Variants in TTC1 observed in about 807,000 individuals in gnomAD.
The protein encoded by TTC1 is tetratricopeptide repeat protein 1.
A neutral mutation model predicts 37.6 loss-of-function variants in TTC1; 31 were observed. The observed-to-expected ratio is 0.82, with a 90% CI of 0.62 to 1.11. The LOEUF (loss-of-function observed/expected upper bound fraction) is 1.11, where lower values mean the gene tolerates loss of function less well. Ranked by LOEUF, TTC1 falls within the 50% of genes most tolerant of loss-of-function variation. The pLI is 0.00. For missense variants in TTC1, 351 were observed against 339.0 expected, an observed-to-expected ratio of 1.04 and a Z score of -0.28; for synonymous variants, 127 against 122.4, an observed-to-expected ratio of 1.04 and a Z score of -0.25.
At chr5:160,048,608 C>T (rs1470049734) in intron 5 of TTC1, among the ~76,000 whole-genome samples, 1 of 152,148 alleles carries the variant, frequency 6.6e-6, no homozygotes, top group Non-Finnish European at 1.5e-5. Flanking sequence ...AGTGCTGGAG[C>T]AGTAGTTTGA....
At chr5:160,040,661 C>A (rs1235562297) in intron 4 of TTC1, among the ~76,000 whole-genome samples, 1 of 152,132 alleles carries the variant, frequency 6.6e-6, no homozygotes, top group Non-Finnish European at 1.5e-5. Context: ...TCACTACAGC[C>A]TTGAACTCCT....
chr5:160,038,477 T>C (rs1000215598), intron 4 of TTC1, among the ~76,000 whole-genome samples: 6 of 152,204 alleles, frequency 3.9e-5, no homozygotes, highest in Non-Finnish European at 7.3e-5. Context: ...GCCCAAGTTA[T>C]TGATATTTCT....
At chr5:160,045,553 C>CT (rs1491316287) in intron 5 of TTC1, among the ~76,000 whole-genome samples, 1,510 of 126,416 alleles carry the variant, frequency 0.012, 49 homozygotes, top group Middle Eastern at 0.022. Context: ...CTCTCTCTCT[C>CT]CCCCTCCCCT....
chr5:160,015,788 C>T (rs377496965), intron 2 of TTC1, among the ~76,000 whole-genome samples: 4 of 152,170 alleles, frequency 2.6e-5, no homozygotes, highest in Non-Finnish European at 5.9e-5. Flanking sequence ...ACCATTCAGT[C>T]GGAATCATAG....
intron 2 of TTC1, among the ~76,000 whole-genome samples, chr5:160,015,104 A>G (rs773671469): frequency 1.4e-4 from 21 of 152,138 alleles, no homozygotes; most frequent in Non-Finnish European, 2.6e-4. Flanking sequence ...CAGTCACCAA[A>G]AAGACTAAGT....
intron 2 of TTC1, among the ~76,000 whole-genome samples, chr5:160,011,394 C>T (rs963646735): frequency 8.5e-5 from 13 of 152,218 alleles, no homozygotes; most frequent in Middle Eastern, 3.4e-3. Flanking sequence ...AATGTGCCAT[C>T]CACTGACTTA....
chr5:160,019,314 T>C (rs541106635), intron 2 of TTC1, among the ~76,000 whole-genome samples: 1 of 152,322 alleles, frequency 6.6e-6, no homozygotes, highest in African/African-American at 2.4e-5. Context: ...GAAGTTTCAG[T>C]TTAGAACAGA....
intron 2 of TTC1, among the ~76,000 whole-genome samples, chr5:160,016,310 G>A (rs777467077): frequency 6.6e-6 from 1 of 152,080 alleles, no homozygotes; most frequent in East Asian, 1.9e-4. Flanking sequence ...CCTAGGAGGC[G>A]GAGGTTGCAG....
At chr5:160,021,770 A>G (rs1756713807) in intron 2 of TTC1, among the ~76,000 whole-genome samples, 1 of 152,150 alleles carries the variant, frequency 6.6e-6, no homozygotes, top group African/African-American at 2.4e-5. Context: ...ATAATTATAG[A>G]ACTGATGTCC....
At chr5:160,019,877 G>C (rs1257502663) in intron 2 of TTC1, among the ~76,000 whole-genome samples, 1 of 151,552 alleles carries the variant, frequency 6.6e-6, no homozygotes, top group Non-Finnish European at 1.5e-5. Context: ...ACTGTGCCCT[G>C]CCTCCTGCCT....
chr5:160,044,967 A>G (rs936007388), intron 5 of TTC1, among the ~76,000 whole-genome samples: 1 of 152,150 alleles, frequency 6.6e-6, no homozygotes, highest in Non-Finnish European at 1.5e-5. Flanking sequence ...CTCTTTCTAT[A>G]TTATAATATA....
At chr5:160,042,565 G>A (rs749837424) in intron 4 of TTC1, among the ~76,000 whole-genome samples, 1 of 152,154 alleles carries the variant, frequency 6.6e-6, no homozygotes, top group Non-Finnish European at 1.5e-5. Context: ...TGTTCTTTCC[G>A]CTATGTCATG....
chr5:160,052,548 CAAAA>C (rs557157232), intron 7 of TTC1, among the ~76,000 whole-genome samples: 130 of 68,088 alleles, frequency 1.9e-3, no homozygotes, highest in East Asian at 0.014. Context: ...TCTATTTTAG[CAAAA>C]AAAAAAAAAA....
At chr5:160,038,658 T>G (rs972784111) in intron 4 of TTC1, among the ~76,000 whole-genome samples, 6 of 146,418 alleles carry the variant, frequency 4.1e-5, no homozygotes, top group Non-Finnish European at 9.0e-5. Flanking sequence ...AAGTTGCGTT[T>G]CTTTTTTTTT....
chr5:160,013,953 G>T (rs1756551838), intron 2 of TTC1, among the ~76,000 whole-genome samples: 1 of 152,240 alleles, frequency 6.6e-6, no homozygotes, highest in Non-Finnish European at 1.5e-5. Context: ...ACAAGGATAG[G>T]AATGTTCTAC....
rs73307364 is a variant in TTC1, at chr5:160,011,187, G to A, written c.330+329G>A. On this transcript the variant is annotated intron_variant, in intron 2 of 7. Transcript: ENST00000231238. The stretch of plus-strand genomic sequence containing the variant: ...AGTTTTCTGTTATGAACTTTTCTAC[G>A]GTTGGCTGCTGAGATTTCTGTAATG... Among the ~76,000 whole-genome samples, 620 of 152,014 alleles carry A rather than the reference G, an allele frequency of 4.1e-3. 4 individuals carry two copies. Among genetic ancestry groups the A allele is most frequent in the African/African-American group, 0.014 (594 of 41,448 alleles).
rs764309520 is a variant in TTC1, at chr5:160,010,766, G to T, written c.238G>T (p.Glu80Ter). 6.2e-7 allele frequency: 1 copy of T among 1,614,056 alleles called. No homozygotes were observed. The highest frequency in any genetic ancestry group is 8.5e-7 in the Non-Finnish European group (1 of 1,180,036). The change falls in exon 2 of 8, where the codon GAG (glutamate) becomes TAG (stop). Residue 80 changes from glutamate to a stop codon, truncating the protein, a stop_gained. Transcript: ENST00000231238. LOFTEE classifies it high-confidence loss of function. ...GGAGGAGCCAGGAGCGGACAAGGTT[G>T]AGAACAAATCTAATGAAGATGTGAA... is the stretch of plus-strand genomic sequence containing the variant. ...FEEEPGADKV[E>*]NKSNEDVNSS...
chr5:160,039,279 TC>T (rs897986614), intron 4 of TTC1: 2 of 146,480 alleles, frequency 1.4e-5, no homozygotes, highest in African/African-American at 5.1e-5. Context: ...GAGTAGGTTC[TC>T]TTTTTTTTTT....
intron 4 of TTC1, among the ~76,000 whole-genome samples, chr5:160,042,004 A>C (rs1757106344): frequency 6.6e-6 from 1 of 151,974 alleles, no homozygotes; most frequent in Admixed American, 6.5e-5. Context: ...AACTCAACTT[A>C]CTGCAATCTC....
Sources: allele counts gnomAD v4.1 joint callset (sites outside exome capture counted in the v4.1 genomes callset), GRCh38; gene constraint gnomAD v4.1.1; transcripts MANE v1.5; gene names NCBI Gene and HGNC (gene_info 2026-07-23, HGNC 2026-07-21).